The following ARHGEF26 variants were observed in gnomAD, a reference collection of about 807,000 sequenced individuals.
ARHGEF26 encodes Rho guanine nucleotide exchange factor (GEF) 26.
Under a neutral mutation model 89.4 loss-of-function variants are expected in ARHGEF26, and 59 were observed. The observed-to-expected ratio is 0.66, with a 90% CI of 0.54 to 0.82. The LOEUF is 0.82. Ranked by LOEUF, ARHGEF26 falls within the 40% of genes least tolerant of loss-of-function variation. The probability of loss-of-function intolerance (pLI) is 0.00; values close to 1 mark genes in which losing one functional copy is unlikely to be tolerated. For missense variants in ARHGEF26, 1,234 were observed against 1,085.6 expected (o/e 1.14, Z -1.92); for synonymous variants, 500 against 428.4 (o/e 1.17, Z -2.06).
intron 6 of ARHGEF26, among the ~76,000 whole-genome samples, chr3:154,174,844 AG>A (rs1712698684): frequency 1.3e-5 from 2 of 152,222 alleles, no homozygotes; most frequent in Admixed American, 1.3e-4. Flanking sequence ...ATTAAAAAAT[AG>A]TTAAGAAATT....
At chr3:154,161,100 T>G (rs867875445) in intron 6 of ARHGEF26, among the ~76,000 whole-genome samples, 4,620 of 17,600 alleles carry the variant, frequency 0.26, 203 homozygotes, top group East Asian at 0.52. Flanking sequence ...GTAGCCAGGT[T>G]TGTGTGTGTG....
intron 8 of ARHGEF26, among the ~76,000 whole-genome samples, chr3:154,194,278 T>C (rs908440079): frequency 6.6e-6 from 1 of 152,228 alleles, no homozygotes; most frequent in Non-Finnish European, 1.5e-5. Context: ...TCATTAACAC[T>C]TCTAACAACC....
intron 9 of ARHGEF26, among the ~76,000 whole-genome samples, chr3:154,208,972 G>A (rs1361715693): frequency 6.6e-6 from 1 of 151,680 alleles, no homozygotes; most frequent in Non-Finnish European, 1.5e-5. Context: ...TCACCGTGCT[G>A]GCCAGACTGG....
chr3:154,205,985 T>C (rs1005028496), intron 9 of ARHGEF26, among the ~76,000 whole-genome samples: 5 of 152,166 alleles, frequency 3.3e-5, no homozygotes, highest in African/African-American at 1.2e-4. Flanking sequence ...CAGTGAGTTT[T>C]GTACCTTCAG....
chr3:154,228,790 A>C (rs539613074), intron 11 of ARHGEF26, among the ~76,000 whole-genome samples: 1 of 152,334 alleles, frequency 6.6e-6, no homozygotes, highest in East Asian at 1.9e-4. Context: ...GAGATACAAC[A>C]ACCCTGAACA....
At chr3:154,213,781 C>T (rs748329937) in intron 9 of ARHGEF26, among the ~76,000 whole-genome samples, 10 of 152,072 alleles carry the variant, frequency 6.6e-5, no homozygotes, top group South Asian at 2.1e-4. Flanking sequence ...CAAAAAAAGA[C>T]GGGAAGATAA....
chr3:154,122,773 A>G lies in ARHGEF26; in HGVS notation c.781A>G (p.Ile261Val). The G allele has an allele frequency of 1.2e-6, 2 of 1,611,230 alleles. No individual in the cohort carries two copies. Among genetic ancestry groups the G allele is most frequent in the Non-Finnish European group, 8.5e-7 (1 of 1,178,564 alleles). The change falls in exon 2 of 15, where the codon ATA becomes GTA. Residue 261 changes from isoleucine to valine, a missense_variant. By Grantham distance (29) the Ile-to-Val change is conservative. Transcript: ENST00000465093. ...GAAGAGTCTGGCCTCGGAAATTAAA[A>G]TAAGTAAATCCAACAATCAAAATGT... is the stretch of plus-strand genomic sequence containing the variant. ...IPKSLASEIK[I>V]SKSNNQNVEP...
intron 9 of ARHGEF26, among the ~76,000 whole-genome samples, chr3:154,199,520 C>G (rs1440704105): frequency 2.6e-5 from 4 of 151,896 alleles, no homozygotes; most frequent in Non-Finnish European, 5.9e-5. Context: ...GTGCTGCAGC[C>G]AACATAGAAG....
intron 9 of ARHGEF26, among the ~76,000 whole-genome samples, chr3:154,200,897 T>C (rs1714585648): frequency 6.6e-6 from 1 of 152,160 alleles, no homozygotes; most frequent in South Asian, 2.1e-4. Flanking sequence ...TTGTTCACTG[T>C]TGGCATATAG....
In ARHGEF26 at chr3:154,149,373, T is replaced by G; in HGVS notation, c.1270-16T>G. 1 of 1,594,592 alleles carries G rather than the reference T, an allele frequency of 6.3e-7. No individual in the cohort carries two copies. The highest frequency in any genetic ancestry group is 8.6e-7 in the Non-Finnish European group (1 of 1,169,242). The stretch of plus-strand genomic sequence containing the variant: ...TATTAATAAATGAGTCAACTCTACT[T>G]TGCTTTTTCTCCTAGGTGAAAAGAA... On this transcript the variant is annotated splice_polypyrimidine_tract_variant and intron_variant, in intron 4 of 14. Coordinates refer to ENST00000465093, the MANE Select transcript of ARHGEF26 (RefSeq NM_015595.4).
chr3:154,225,057 TAAAAA>T (rs33997555), intron 10 of ARHGEF26, among the ~76,000 whole-genome samples: 53 of 149,232 alleles, frequency 3.6e-4, no homozygotes, highest in African/African-American at 1.2e-3. Context: ...TCTGGTAACT[TAAAAA>T]AAAAAAGCTT....
At position 154,129,719 on chromosome 3, in the gene ARHGEF26, G is replaced by A. The variant is rs762803415; in HGVS notation, c.1269G>A (p.Ala423=). The A allele has an allele frequency of 2.5e-6, 4 of 1,609,186 alleles. No homozygotes were observed. The highest frequency in any genetic ancestry group is 3.4e-6 in the Non-Finnish European group (4 of 1,177,858). The change falls in exon 4 of 15, where the codon GCG becomes GCA. Residue 423 remains alanine (A), a splice_region_variant and synonymous_variant. Coordinates refer to ENST00000465093, the MANE Select transcript of ARHGEF26 (RefSeq NM_015595.4). ...PLRSTWSQLS[A]VKRKGLSQTV... Reference sequence around the variant, plus strand: ...GATCCACATGGAGCCAACTCTCTGCGGTGAGTGTTTATCTTCTTTTCTATC... The same window carrying A: ...GATCCACATGGAGCCAACTCTCTGCAGTGAGTGTTTATCTTCTTTTCTATC...
chr3:154,192,404 G>T (rs982717721), intron 8 of ARHGEF26, among the ~76,000 whole-genome samples: 4 of 152,160 alleles, frequency 2.6e-5, no homozygotes, highest in Admixed American at 6.5e-5. Context: ...TAAAAGCATG[G>T]AATCATGAGC....
intron 6 of ARHGEF26, among the ~76,000 whole-genome samples, chr3:154,176,197 A>G (rs1238232916): frequency 1.3e-5 from 2 of 152,196 alleles, no homozygotes; most frequent in African/African-American, 2.4e-5. Context: ...GTAAATGACA[A>G]ATAGGCAGTT....
intron 12 of ARHGEF26, among the ~76,000 whole-genome samples, chr3:154,250,970 GA>G (rs1718111469): frequency 2.0e-5 from 3 of 151,212 alleles, no homozygotes; most frequent in Admixed American, 6.6e-5. Context: ...ATTAGAGAGA[GA>G]GAGAGAGAGA....
intron 11 of ARHGEF26, among the ~76,000 whole-genome samples, chr3:154,226,374 C>T (rs1716489179): frequency 6.6e-6 from 1 of 152,138 alleles, no homozygotes; most frequent in Non-Finnish European, 1.5e-5. Flanking sequence ...AAAGTTGGTC[C>T]AGTTGAGAAC....
intron 9 of ARHGEF26, among the ~76,000 whole-genome samples, chr3:154,207,669 A>G (rs190810670): frequency 6.6e-6 from 1 of 152,332 alleles, no homozygotes; most frequent in East Asian, 1.9e-4. Context: ...TAGTTCAACC[A>G]TTATTGAAGA....
chr3:154,239,606 G>T (rs1717369737), intron 11 of ARHGEF26, among the ~76,000 whole-genome samples: 1 of 151,848 alleles, frequency 6.6e-6, no homozygotes, highest in African/African-American at 2.4e-5. Flanking sequence ...GTGAAGGGAG[G>T]GTTCAGAGAC....
intron 8 of ARHGEF26, 52 bp downstream of exon 8, chr3:154,191,470 T>C (rs1202242835): frequency 1.5e-5 from 24 of 1,561,882 alleles, no homozygotes; most frequent in Non-Finnish European, 2.0e-5. Flanking sequence ...CTTCTCTAAA[T>C]CTGATTTAGA....
Sources: gnomAD v4.1 joint callset for allele counts (sites outside exome capture counted in the v4.1 genomes callset) on GRCh38, gnomAD v4.1.1 for gene constraint, MANE v1.5 for transcripts, NCBI Gene and HGNC (gene_info 2026-07-23, HGNC 2026-07-21) for gene names.